The following PLCB1 variants were observed in gnomAD, a reference collection of about 807,000 sequenced individuals.
The protein encoded by PLCB1 is phospholipase C beta 1, also known as 1-phosphatidylinositol 4,5-bisphosphate phosphodiesterase beta-1.
Under a neutral mutation model 161.8 loss-of-function variants are expected in PLCB1, and 46 were observed. The ratio of observed to expected loss-of-function variants is 0.28; its 90% CI spans 0.22 to 0.36. The LOEUF (loss-of-function observed/expected upper bound fraction) is 0.36. PLCB1 is among the 10% of genes least tolerant of loss of function. The pLI, the probability that PLCB1 is intolerant of heterozygous loss-of-function variation, is 1.00. For synonymous variants in PLCB1, 517 were observed against 503.7 expected (o/e 1.03, Z -0.35); for missense variants, 1,016 against 1,472.5 (o/e 0.69, Z 5.07).
At chr20:8,728,139 T>C (rs1029184510) in intron 17 of PLCB1, among the ~76,000 whole-genome samples, 1 of 152,138 alleles carries the variant, frequency 6.6e-6, no homozygotes, top group Non-Finnish European at 1.5e-5. Context: ...ATTGACTGTG[T>C]GATAGATCTT....
At chr20:8,534,837 G>T (rs1311168572) in intron 3 of PLCB1, among the ~76,000 whole-genome samples, 1 of 152,106 alleles carries the variant, frequency 6.6e-6, no homozygotes, top group East Asian at 1.9e-4. Context: ...GTAGACACAG[G>T]CTGGGAAGCT....
At chr20:8,340,357 TA>T (rs572419022) in intron 2 of PLCB1, among the ~76,000 whole-genome samples, 163 of 152,364 alleles carry the variant, frequency 1.1e-3, no homozygotes, top group African/African-American at 3.8e-3. Flanking sequence ...GATTACATGC[TA>T]AAAATAGACC....
At chr20:8,670,358 T>G (rs771727131) in intron 9 of PLCB1, among the ~76,000 whole-genome samples, 8 of 152,198 alleles carry the variant, frequency 5.3e-5, no homozygotes, top group Middle Eastern at 3.2e-3. Context: ...TAAGGTGTTA[T>G]TATTGAGAAT....
At chr20:8,467,073 G>A (rs1158376848) in intron 3 of PLCB1, among the ~76,000 whole-genome samples, 1 of 152,106 alleles carries the variant, frequency 6.6e-6, no homozygotes, top group Non-Finnish European at 1.5e-5. Flanking sequence ...CCAAGTAGCT[G>A]GGATTATAGG....
At chr20:8,324,321 T>C (rs556748161) in intron 2 of PLCB1, among the ~76,000 whole-genome samples, 2 of 152,186 alleles carry the variant, frequency 1.3e-5, no homozygotes, top group African/African-American at 4.8e-5. Context: ...TATTCAGTTT[T>C]GATATTTTCC....
chr20:8,166,189 T>A (rs967964066), intron 2 of PLCB1, among the ~76,000 whole-genome samples: 1 of 152,102 alleles, frequency 6.6e-6, no homozygotes, highest in East Asian at 1.9e-4. Flanking sequence ...GCCTATGCTC[T>A]CCCCATTATT....
intron 3 of PLCB1, among the ~76,000 whole-genome samples, chr20:8,559,661 G>C (rs1986079547): frequency 6.6e-6 from 1 of 151,924 alleles, no homozygotes; most frequent in Non-Finnish European, 1.5e-5. Context: ...AACTAGAATA[G>C]CTATACTAAT....
chr20:8,610,588 T>C (rs1213805870), intron 3 of PLCB1, among the ~76,000 whole-genome samples: 4 of 152,200 alleles, frequency 2.6e-5, no homozygotes, highest in Non-Finnish European at 5.9e-5. Flanking sequence ...ACATTTTACC[T>C]TCCCACCAGC....
At chr20:8,187,673 G>A (rs1234333678) in intron 2 of PLCB1, among the ~76,000 whole-genome samples, 1 of 152,120 alleles carries the variant, frequency 6.6e-6, no homozygotes, top group African/African-American at 2.4e-5. Context: ...TGCTGTTGGA[G>A]TGCTGGCATT....
intron 2 of PLCB1, among the ~76,000 whole-genome samples, chr20:8,271,855 G>C (rs913252423): frequency 6.6e-6 from 1 of 152,060 alleles, no homozygotes; most frequent in African/African-American, 2.4e-5. Flanking sequence ...TCTTGTAAAA[G>C]AAGAAGTGAG....
chr20:8,477,804 T>C, intron 3 of PLCB1, among the ~76,000 whole-genome samples: 1 of 152,328 alleles, frequency 6.6e-6, no homozygotes, highest in African/African-American at 2.4e-5. Context: ...AAGACAGTCA[T>C]GAAAGATTTG....
In PLCB1 at chr20:8,279,697, G is replaced by A. The variant is rs533044151; in HGVS notation, c.178-91685G>A. On this transcript the variant is annotated intron_variant, in intron 2 of 31. Transcript: ENST00000338037. ...TGATGGAAATGAATACACTATAAAC[G>A]CACTCCACAGGTTGAATCTCTCAAA... Among the ~76,000 whole-genome samples the A allele has an allele frequency of 7.2e-5, 11 of 152,228 alleles. No homozygotes were observed. In the South Asian group the frequency reaches 8.3e-4, roughly 12 times the overall value.
At chr20:8,821,782 A>G (rs928214047) in intron 31 of PLCB1, among the ~76,000 whole-genome samples, 4 of 151,826 alleles carry the variant, frequency 2.6e-5, no homozygotes, top group African/African-American at 4.8e-5. Context: ...GTCAAGTCCT[A>G]CCTTCTCAGT....
intron 3 of PLCB1, among the ~76,000 whole-genome samples, chr20:8,457,172 T>C (rs1390144272): frequency 1.3e-5 from 2 of 152,178 alleles, no homozygotes; most frequent in Non-Finnish European, 2.9e-5. Flanking sequence ...TGTAAGAGAC[T>C]CAGCTGGAAG....
At chr20:8,523,494 C>CTATATATATATA (rs1419507917) in intron 3 of PLCB1, among the ~76,000 whole-genome samples, 1 of 49,584 alleles carries the variant, frequency 2.0e-5, no homozygotes, top group Non-Finnish European at 4.3e-5. Context: ...CTCTCTCTCT[C>CTATATATATATA]TCTATATATA....
intron 9 of PLCB1, among the ~76,000 whole-genome samples, chr20:8,662,564 AAT>A (rs1179943809): frequency 1.4e-5 from 2 of 145,266 alleles, no homozygotes; most frequent in African/African-American, 5.0e-5. Context: ...ATATAATTAC[AAT>A]ATATATTATT....
chr20:8,274,421 G>C (rs562494225), intron 2 of PLCB1, among the ~76,000 whole-genome samples: 2 of 151,378 alleles, frequency 1.3e-5, no homozygotes, highest in Admixed American at 6.6e-5. Context: ...GCATGAGAAC[G>C]TTTGTCCCCT....
At chr20:8,142,773 C>G (rs1310444916) in intron 1 of PLCB1, among the ~76,000 whole-genome samples, 1 of 152,210 alleles carries the variant, frequency 6.6e-6, no homozygotes, top group Non-Finnish European at 1.5e-5. Flanking sequence ...AGTAACAAGA[C>G]ATAGTTCTAA....
At chr20:8,302,377 G>A (rs1397193304) in intron 2 of PLCB1, among the ~76,000 whole-genome samples, 18 of 152,196 alleles carry the variant, frequency 1.2e-4, no homozygotes. Context: ...ATCTGCAGAT[G>A]TCATGACAGT....
Sources: allele counts gnomAD v4.1 joint callset (sites outside exome capture counted in the v4.1 genomes callset), GRCh38; gene constraint gnomAD v4.1.1; transcripts MANE v1.5; gene names NCBI Gene and HGNC (gene_info 2026-07-23, HGNC 2026-07-21).